The following ANO1 variants were observed in gnomAD, a reference collection of about 807,000 sequenced individuals.
ANO1 encodes anoctamin 1, also known as anoctamin-1.
ANO1 carries 59 observed loss-of-function variants against 124.0 expected under a neutral mutation model. That is an observed-to-expected ratio of 0.48 (90% CI 0.39 to 0.59). ANO1 has a LOEUF of 0.59. Among genes scored for constraint, ANO1 ranks in the 20% least tolerant of loss-of-function variants. ANO1 has a pLI of 0.00. For synonymous variants in ANO1, 529 were observed against 532.0 expected, an observed-to-expected ratio of 0.99 and a Z score of 0.08; for missense variants, 1,059 against 1,328.0, an observed-to-expected ratio of 0.80 and a Z score of 3.15.
In ANO1 at chr11:70,189,410, TA is replaced by T. The variant is rs973424391; in HGVS notation, c.*1411del. 6.5e-6 allele frequency: 1 copy of T among 152,684 alleles called. No homozygotes were observed. The highest frequency in any genetic ancestry group is 2.4e-5 in the African/African-American group (1 of 41,468). The allele number at this position is 152,684 out of a possible 1,614,324, so 9.5% of individuals were successfully genotyped here. On this transcript the variant is annotated 3_prime_UTR_variant, in exon 26 of 26. Coordinates refer to ENST00000355303, the MANE Select transcript of ANO1 (RefSeq NM_018043.7). ...TGGGTTTTGTATATAAATACTGTAT[TA>T]AAAATTAGGCAATTACCAAAAATCC...
At chr11:70,038,221 T>G (rs994360627) in intron 1 of ANO1, among the ~76,000 whole-genome samples, 1 of 152,230 alleles carries the variant, frequency 6.6e-6, no homozygotes, top group Non-Finnish European at 1.5e-5. Flanking sequence ...CAGACCATAG[T>G]GCATGCCATT....
At chr11:70,156,591 G>C (rs2047826521) in intron 15 of ANO1, among the ~76,000 whole-genome samples, 1 of 152,192 alleles carries the variant, frequency 6.6e-6, no homozygotes, top group Admixed American at 6.5e-5. Context: ...ACCTAGAAGT[G>C]AGACTTTTAG....
chr11:70,184,601 G>C (rs1487060325), intron 24 of ANO1, among the ~76,000 whole-genome samples: 2 of 152,244 alleles, frequency 1.3e-5, no homozygotes, highest in Non-Finnish European at 1.5e-5. Flanking sequence ...CCCGGGTAGG[G>C]CAGGGCGGGC....
chr11:70,085,484 T>C, intron 1 of ANO1: 2 of 1,535,942 alleles, frequency 1.3e-6, no homozygotes, highest in Non-Finnish European at 1.7e-6. Context: ...TAGAGAGAAG[T>C]CAGTTGCTTA....
chr11:70,048,742 A>G (rs1219973990), intron 1 of ANO1, among the ~76,000 whole-genome samples: 1 of 132,006 alleles, frequency 7.6e-6, no homozygotes, highest in East Asian at 2.5e-4. Flanking sequence ...ACTGATGCAC[A>G]GTTACCTTTT....
intron 1 of ANO1, among the ~76,000 whole-genome samples, chr11:70,087,037 C>T (rs1464308208): frequency 6.6e-6 from 1 of 152,236 alleles, no homozygotes; most frequent in African/African-American, 2.4e-5. Context: ...CTCAGCTCTG[C>T]CTCAGCCCCT....
At chr11:70,123,453 T>A (rs2046375714) in intron 8 of ANO1, among the ~76,000 whole-genome samples, 1 of 152,204 alleles carries the variant, frequency 6.6e-6, no homozygotes, top group Non-Finnish European at 1.5e-5. Context: ...TGGCTCACAC[T>A]CACTTCCTGC....
At position 70,187,820 on chromosome 11, in the gene ANO1, AG is replaced by A; in HGVS notation, c.2778del (p.Lys927ArgfsTer74). 6.2e-7 allele frequency: 1 copy of A among 1,609,580 alleles called. No homozygotes were observed. Among genetic ancestry groups the A allele is most frequent in the Non-Finnish European group, 8.5e-7 (1 of 1,178,196 alleles). ...PKDISQQIHK[E>X]KVLMVELFMR... ...GACATCAGCCAGCAGATCCACAAGG[AG>A]AAGGTGCTCATGGTGGAGCTGTTCA... On this transcript the variant is annotated frameshift_variant, in exon 26 of 26. Transcript: ENST00000355303. LOFTEE classifies it high-confidence loss of function.
intron 16 of ANO1, among the ~76,000 whole-genome samples, chr11:70,159,044 G>A (rs553283149): frequency 5.3e-5 from 8 of 152,200 alleles, no homozygotes; most frequent in South Asian, 2.1e-4. Flanking sequence ...CAGCATTGTC[G>A]CAGAAGGGCC....
intron 11 of ANO1, among the ~76,000 whole-genome samples, chr11:70,148,409 G>A (rs903244707): frequency 8.5e-5 from 13 of 152,186 alleles, no homozygotes; most frequent in African/African-American, 2.9e-4. Flanking sequence ...AGGAAACAGA[G>A]GCACAGAGAG....
intron 1 of ANO1, among the ~76,000 whole-genome samples, chr11:70,022,274 T>C (rs4980740): frequency 6.6e-6 from 1 of 151,544 alleles, no homozygotes; most frequent in Non-Finnish European, 1.5e-5. Context: ...CACATCAAGG[T>C]TCTGGCACAC....
At chr11:70,103,466 C>A (rs1380494219) in intron 3 of ANO1, among the ~76,000 whole-genome samples, 1 of 152,132 alleles carries the variant, frequency 6.6e-6, no homozygotes, top group African/African-American at 2.4e-5. Flanking sequence ...ATTTACTGTA[C>A]TTGCAGACAC....
In ANO1 at chr11:70,078,666, C is replaced by A; in HGVS notation, c.60C>A (p.Ile20=). ...CCGAGGACCGCAGCGTCCACATCAT[C>A]AACATCTGCGCCATCGAGGACATCG... ...LPAEDRSVHI[I]NICAIEDIGY... The change falls in exon 1 of 26, where the codon ATC becomes ATA. Residue 20 remains isoleucine (I), a synonymous_variant. Transcript: ENST00000355303. 1 of 1,501,218 alleles carries A rather than the reference C, an allele frequency of 6.7e-7. No homozygotes were observed. Among genetic ancestry groups the A allele is most frequent in the Non-Finnish European group, 9.0e-7 (1 of 1,114,662 alleles). The allele number at this position is 1,501,218 out of a possible 1,614,324, so 93.0% of individuals were successfully genotyped here. A position where few individuals can be genotyped will look rare whatever the true frequency, so the allele number is the denominator to read the frequency against.
At chr11:70,095,331 AAG>A in intron 2 of ANO1, among the ~76,000 whole-genome samples, 1 of 129,768 alleles carries the variant, frequency 7.7e-6, no homozygotes, top group Non-Finnish European at 1.7e-5. Context: ...GAAAGAAAGA[AAG>A]GAAAGAGAAA....
intron 18 of ANO1, 34 bp from the exon 19 acceptor site, chr11:70,163,223 CTCTCCCCGAGCTGAGCCAGGGGCTCA>C (rs2048123915): frequency 4.5e-6 from 7 of 1,568,530 alleles, no homozygotes; most frequent in East Asian, 2.2e-5. Flanking sequence ...ACTTGGGGGT[CTCTCCCCGAGCTGAGCCAGGGGCTCA>C]TCTTTTCTCT....
chr11:70,035,327 A>G (rs72939633), intron 1 of ANO1, among the ~76,000 whole-genome samples: 2 of 152,156 alleles, frequency 1.3e-5, no homozygotes, highest in African/African-American at 2.4e-5. Context: ...GTGTGGAGAG[A>G]AAAGGAAGGG....
intron 1 of ANO1, among the ~76,000 whole-genome samples, chr11:70,045,510 A>T (rs567366567): frequency 6.6e-5 from 10 of 152,364 alleles, no homozygotes; most frequent in African/African-American, 2.4e-4. Flanking sequence ...ATGATTGGTG[A>T]CATTAAAGAA....
chr11:70,156,247 G>A (rs1182907407), intron 15 of ANO1, among the ~76,000 whole-genome samples: 1 of 152,192 alleles, frequency 6.6e-6, no homozygotes, highest in Non-Finnish European at 1.5e-5. Context: ...ACAACTGCCT[G>A]CAAGTGTTTC....
At chr11:69,980,637 T>C in the ANO1 span, among the ~76,000 whole-genome samples, 2 of 150,158 alleles carry the variant, frequency 1.3e-5, no homozygotes, top group Non-Finnish European at 3.0e-5. Context: ...AACAAAAAAC[T>C]GTAGAGATTG....
Sources: allele counts gnomAD v4.1 joint callset (sites outside exome capture counted in the v4.1 genomes callset), GRCh38; gene constraint gnomAD v4.1.1; transcripts MANE v1.5; gene names NCBI Gene and HGNC (gene_info 2026-07-23, HGNC 2026-07-21).